DDC: variants seen among roughly 807,000 people sequenced by gnomAD.
DDC encodes the protein aromatic-L-amino-acid decarboxylase.
Under a neutral mutation model 60.0 loss-of-function variants are expected in DDC, and 43 were observed. The observed-to-expected ratio is 0.72, with a 90% CI of 0.56 to 0.92. The LOEUF (loss-of-function observed/expected upper bound fraction) is 0.92, where lower values mean the gene tolerates loss of function less well. DDC is among the 40% of genes least tolerant of loss of function. DDC has a pLI of 0.00. For missense variants in DDC, 573 were observed against 620.2 expected (o/e 0.92, Z 0.81); for synonymous variants, 232 against 234.6 (o/e 0.99, Z 0.10).
At chr7:50,531,270 T>C (rs1387639735) in intron 4 of DDC, among the ~76,000 whole-genome samples, 1 of 152,160 alleles carries the variant, frequency 6.6e-6, no homozygotes, top group Non-Finnish European at 1.5e-5. Flanking sequence ...TGTACCTTAC[T>C]TACACTTCTC....
At chr7:50,509,478 A>G (rs1445450564) in intron 6 of DDC, among the ~76,000 whole-genome samples, 2 of 152,220 alleles carry the variant, frequency 1.3e-5, no homozygotes, top group African/African-American at 4.8e-5. Flanking sequence ...CCTCGGCCCA[A>G]CTTGCTCCAG....
At chr7:50,548,954 G>C (rs1454838587) in intron 1 of DDC, among the ~76,000 whole-genome samples, 1 of 152,156 alleles carries the variant, frequency 6.6e-6, no homozygotes. Context: ...AAATCCTAGG[G>C]CCCTTAAAAA....
At chr7:50,509,870 C>A (rs2043500757) in intron 6 of DDC, among the ~76,000 whole-genome samples, 2 of 151,640 alleles carry the variant, frequency 1.3e-5, no homozygotes, top group African/African-American at 2.4e-5. Flanking sequence ...GGAAAAAAAA[C>A]CCATCTCTTT....
chr7:50,541,036 G>T (rs1470684235), intron 2 of DDC, among the ~76,000 whole-genome samples: 1 of 152,226 alleles, frequency 6.6e-6, no homozygotes, highest in East Asian at 1.9e-4. Flanking sequence ...ACAGAATAAA[G>T]TCCTAAAGCC....
intron 6 of DDC, among the ~76,000 whole-genome samples, chr7:50,516,268 A>G (rs547949162): frequency 2.7e-4 from 41 of 152,362 alleles, no homozygotes; most frequent in African/African-American, 7.2e-4. Context: ...ATTATCTCCA[A>G]GAGGAACTTT....
chr7:50,490,534 G>A (rs2042976966), intron 9 of DDC, among the ~76,000 whole-genome samples: 1 of 152,168 alleles, frequency 6.6e-6, no homozygotes, highest in Non-Finnish European at 1.5e-5. Context: ...GGCAGGCGTG[G>A]TGGCACGCTC....
chr7:50,518,447 A>G (rs2043798695), intron 6 of DDC, among the ~76,000 whole-genome samples: 1 of 152,230 alleles, frequency 6.6e-6, no homozygotes, highest in Non-Finnish European at 1.5e-5. Flanking sequence ...ACTAAGCAAA[A>G]AGAACAAATC....
intron 6 of DDC, among the ~76,000 whole-genome samples, chr7:50,526,487 A>C (rs759982933): frequency 3.3e-5 from 5 of 152,224 alleles, no homozygotes; most frequent in Non-Finnish European, 7.3e-5. Flanking sequence ...TGGAAATAAG[A>C]AAATGCAGAG....
At chr7:50,481,567 G>A (rs2153536558) in intron 9 of DDC, among the ~76,000 whole-genome samples, 1 of 152,218 alleles carries the variant, frequency 6.6e-6, no homozygotes, top group South Asian at 2.1e-4. Flanking sequence ...ACTAATTAAA[G>A]CCATACAAAA....
chr7:50,475,426 G>A lies in DDC; in HGVS notation c.1041+1198C>T, dbSNP rs572585951. Among the ~76,000 whole-genome samples, 8 of 152,236 alleles carry A rather than the reference G, an allele frequency of 5.3e-5. No homozygotes were observed. In the South Asian group the frequency reaches 1.7e-3, roughly 32 times the overall value. On this transcript the variant is annotated intron_variant, in intron 11 of 14. Transcript: ENST00000444124. ...TTTCTCCCTGGGTGTAGAGCTGGGT[G>A]GTCCCAGGCAAACTTTGCCAAAACT... is the stretch of plus-strand genomic sequence containing the variant.
At chr7:50,545,715 C>T (rs957160053) in intron 1 of DDC, among the ~76,000 whole-genome samples, 6 of 152,192 alleles carry the variant, frequency 3.9e-5, no homozygotes, top group Non-Finnish European at 7.3e-5. Context: ...TCTGGTGATC[C>T]ACCAGCCTCG....
intron 9 of DDC, among the ~76,000 whole-genome samples, chr7:50,484,177 A>T (rs2042831156): frequency 6.6e-6 from 1 of 152,102 alleles, no homozygotes; most frequent in African/African-American, 2.4e-5. Flanking sequence ...TGTTTTCTTT[A>T]TTTTTGACCT....
At chr7:50,553,442 T>C (rs2045075308) in intron 1 of DDC, among the ~76,000 whole-genome samples, 1 of 151,766 alleles carries the variant, frequency 6.6e-6, no homozygotes, top group Admixed American at 6.6e-5. Flanking sequence ...GATTTCCCCC[T>C]GGATTAGCTG....
intron 6 of DDC, among the ~76,000 whole-genome samples, chr7:50,518,302 A>G (rs1454992600): frequency 1.3e-5 from 2 of 152,140 alleles, no homozygotes; most frequent in Non-Finnish European, 2.9e-5. Context: ...TGTGAAAATG[A>G]CCATACTACC....
intron 1 of DDC, among the ~76,000 whole-genome samples, chr7:50,553,801 G>A (rs959410365): frequency 2.0e-5 from 3 of 152,004 alleles, no homozygotes; most frequent in Non-Finnish European, 4.4e-5. Flanking sequence ...GTTTCTTGAT[G>A]GACATTTTCT....
Position 50,476,626 on chromosome 7 carries a change from G to A in DDC, c.1039C>T (p.Arg347Trp), listed in dbSNP as rs773990125. The A allele has an allele frequency of 8.7e-6, 14 of 1,612,272 alleles. No homozygotes were observed. The highest frequency in any genetic ancestry group is 2.2e-5 in the South Asian group (2 of 91,060). The change falls in exon 11 of 15, where the codon CGG (arginine) becomes TGG (tryptophan). Residue 347 changes from arginine to tryptophan, a missense_variant and splice_region_variant. Transcript: ENST00000444124. ...TTACAGTGGAATCTCCCACTTACCC[G>A]GTAGTCAGTGATAAGCCCTGGAGAA... ...HQDSGLITDY[R>W]HWQIPLGRRF...
intron 14 of DDC, among the ~76,000 whole-genome samples, chr7:50,460,294 C>T (rs1376695669): frequency 3.4e-5 from 5 of 147,540 alleles, no homozygotes; most frequent in African/African-American, 7.7e-5. Context: ...CGCCTCTGCC[C>T]GGCCGCCCCT....
chr7:50,554,466 G>A (rs1316568541), intron 1 of DDC, among the ~76,000 whole-genome samples: 2 of 152,066 alleles, frequency 1.3e-5, no homozygotes, highest in South Asian at 2.1e-4. Flanking sequence ...TTTTGAGGCC[G>A]GCTTCCTCAG....
chr7:50,469,532 T>C (rs2042482411), intron 12 of DDC, among the ~76,000 whole-genome samples: 1 of 152,220 alleles, frequency 6.6e-6, no homozygotes, highest in South Asian at 2.1e-4. Flanking sequence ...TAGATGTGGC[T>C]AAAGCACAAC....
Sources: allele counts gnomAD v4.1 joint callset (sites outside exome capture counted in the v4.1 genomes callset), GRCh38; gene constraint gnomAD v4.1.1; transcripts MANE v1.5; gene names NCBI Gene and HGNC (gene_info 2026-07-23, HGNC 2026-07-21).